The following PRKN variants were observed in gnomAD, a reference collection of about 807,000 sequenced individuals.
PRKN encodes E3 ubiquitin-protein ligase parkin.
A neutral mutation model predicts 59.5 loss-of-function variants in PRKN; 56 were observed. The ratio of observed to expected loss-of-function variants is 0.94; its 90% CI spans 0.76 to 1.18. The LOEUF is 1.18. Ranked by LOEUF, PRKN falls within the 50% of genes most tolerant of loss-of-function variation. PRKN has a pLI of 0.00. For synonymous variants in PRKN, 250 were observed against 222.1 expected (o/e 1.13, Z -1.12); for missense variants, 657 against 596.4 (o/e 1.10, Z -1.06).
At chr6:162,369,357 T>G (rs1156678422) in intron 2 of PRKN, among the ~76,000 whole-genome samples, 1 of 152,176 alleles carries the variant, frequency 6.6e-6, no homozygotes, top group Non-Finnish European at 1.5e-5. Context: ...TCTAGTTCTA[T>G]GAAATATCAT....
At chr6:162,175,907 T>C (rs929972979) in intron 4 of PRKN, among the ~76,000 whole-genome samples, 1 of 152,196 alleles carries the variant, frequency 6.6e-6, no homozygotes, top group Non-Finnish European at 1.5e-5. Context: ...ATAAAGGCTA[T>C]TTGAGAAGCC....
intron 9 of PRKN, among the ~76,000 whole-genome samples, chr6:161,418,507 T>A (rs1482664494): frequency 4.6e-5 from 7 of 152,202 alleles, no homozygotes; most frequent in Non-Finnish European, 5.9e-5. Flanking sequence ...CTGTATTATT[T>A]CTGGGATTAT....
chr6:162,437,235 T>C (rs1789820511), intron 2 of PRKN, among the ~76,000 whole-genome samples: 1 of 152,206 alleles, frequency 6.6e-6, no homozygotes, highest in Admixed American at 6.5e-5. Flanking sequence ...TCATTTCTTA[T>C]GTTAAATATC....
chr6:161,951,652 A>T (rs1264576964), intron 6 of PRKN, among the ~76,000 whole-genome samples: 1 of 152,218 alleles, frequency 6.6e-6, no homozygotes, highest in African/African-American at 2.4e-5. Context: ...ACAGTGGCTC[A>T]CGCCTGTTAT....
At chr6:162,006,939 C>T (rs891980852) in intron 5 of PRKN, among the ~76,000 whole-genome samples, 51 of 102,376 alleles carry the variant, frequency 5.0e-4, no homozygotes, top group African/African-American at 1.4e-3. Flanking sequence ...CTTAGAAGAG[C>T]GCCAGCACAT....
intron 6 of PRKN, among the ~76,000 whole-genome samples, chr6:161,830,517 G>T (rs940301685): frequency 6.6e-6 from 1 of 152,180 alleles, no homozygotes; most frequent in Non-Finnish European, 1.5e-5. Context: ...CTCCCAAAGT[G>T]CTGGGATAAC....
intron 1 of PRKN, among the ~76,000 whole-genome samples, chr6:162,586,165 T>C (rs1316598842): frequency 6.6e-6 from 1 of 152,032 alleles, no homozygotes; most frequent in Non-Finnish European, 1.5e-5. Flanking sequence ...ATGTGCTGGG[T>C]AATAAGGGGA....
chr6:162,426,320 G>A (rs894691819), intron 2 of PRKN, among the ~76,000 whole-genome samples: 3 of 152,268 alleles, frequency 2.0e-5, no homozygotes, highest in East Asian at 3.9e-4. Flanking sequence ...GTCCTTATGA[G>A]GCATGACTGT....
At position 162,547,410 on chromosome 6, in the gene PRKN, A is replaced by C. The variant is rs1159998523; in HGVS notation, c.8-103937T>G. Among the ~76,000 whole-genome samples the C allele has an allele frequency of 2.0e-5, 3 of 152,148 alleles. No homozygotes were observed. The East Asian group carries it at 5.8e-4, about 29-fold the overall frequency. ...GAAAATAACAATATTTTACATCCAT[A>C]TAGTTCTTTGTATTATTTATTTCAA... is the stretch of plus-strand genomic sequence containing the variant. On this transcript the variant is annotated intron_variant, in intron 1 of 11. Coordinates refer to ENST00000366898, the MANE Select transcript of PRKN (RefSeq NM_004562.3).
At chr6:161,664,216 A>G (rs1037279209) in intron 7 of PRKN, among the ~76,000 whole-genome samples, 1 of 152,218 alleles carries the variant, frequency 6.6e-6, no homozygotes, top group Non-Finnish European at 1.5e-5. Flanking sequence ...AAATGCCAAC[A>G]GACGAGCACT....
At chr6:162,524,708 C>T (rs1778211946) in intron 1 of PRKN, among the ~76,000 whole-genome samples, 2 of 152,278 alleles carry the variant, frequency 1.3e-5, no homozygotes, top group South Asian at 4.1e-4. Flanking sequence ...CTTAGGAAGA[C>T]TAACTAGTTT....
At chr6:162,623,681 C>A (rs1055485337) in intron 1 of PRKN, among the ~76,000 whole-genome samples, 10 of 151,700 alleles carry the variant, frequency 6.6e-5, no homozygotes, top group Non-Finnish European at 1.3e-4. Flanking sequence ...GGCTGTTGTC[C>A]AACAGGTCAT....
Position 161,847,026 on chromosome 6 carries a change from T to G in PRKN, c.735-61118A>C, listed in dbSNP as rs1474186868. Among the ~76,000 whole-genome samples the G allele has an allele frequency of 4.6e-5, 7 of 152,152 alleles. 1 individual carries two copies. Among genetic ancestry groups the G allele is most frequent in the Non-Finnish European group, 1.0e-4 (7 of 68,026 alleles). On this transcript the variant is annotated intron_variant, in intron 6 of 11. Coordinates refer to ENST00000366898, the MANE Select transcript of PRKN (RefSeq NM_004562.3). ...CAAAAGTCATTTAAGATTTGGTTAC[T>G]GGGCCAGGCACGGTGGCTCACACCT...
rs1329402527 is a variant in PRKN, at chr6:161,409,219, C to T, written c.1084-22342G>A. Among the ~76,000 whole-genome samples, 1 of 152,190 alleles carries T rather than the reference C, an allele frequency of 6.6e-6. No individual in the cohort carries two copies. The highest frequency in any genetic ancestry group is 2.4e-5 in the African/African-American group (1 of 41,428). ...CTGGACTCCCAAACTGCTGGGATTA[C>T]AGGTGTGAGCCACCACCCCCGGCCA... is the stretch of plus-strand genomic sequence containing the variant. On this transcript the variant is annotated intron_variant, in intron 9 of 11. Coordinates refer to ENST00000366898, the MANE Select transcript of PRKN (RefSeq NM_004562.3). This position sits in a 1 kb window ranked among gnomAD's most constrained non-coding sequence, Gnocchi z 4.6.
chr6:162,088,754 G>A lies in PRKN; in HGVS notation c.535-34580C>T, dbSNP rs56014029. On this transcript the variant is annotated intron_variant, in intron 4 of 11. Coordinates refer to ENST00000366898, the MANE Select transcript of PRKN (RefSeq NM_004562.3). ...TAAAACTGCCAAGAAGAAAAGTCCA[G>A]GTCCAGGGGATACCTTGGTAAGTTC... is the stretch of plus-strand genomic sequence containing the variant. 2.7e-3 allele frequency among the ~76,000 whole-genome samples: 404 copies of A among 152,250 alleles called. 3 individuals are homozygous for A. The highest frequency in any genetic ancestry group is 9.3e-3 in the African/African-American group (388 of 41,548).
chr6:161,443,043 C>T (rs1789315911), intron 9 of PRKN, among the ~76,000 whole-genome samples: 2 of 152,096 alleles, frequency 1.3e-5, no homozygotes, highest in Admixed American at 1.3e-4. Flanking sequence ...CGCGGTGGCT[C>T]ATGCTTGTAA....
At chr6:161,389,948 G>C (rs1222929559) in intron 9 of PRKN, among the ~76,000 whole-genome samples, 2 of 152,176 alleles carry the variant, frequency 1.3e-5, no homozygotes, top group South Asian at 2.1e-4. Context: ...AGAAATAAGA[G>C]AAAGGGAAGA....
At chr6:162,057,635 G>A (rs1463979023) in intron 4 of PRKN, among the ~76,000 whole-genome samples, 1 of 152,196 alleles carries the variant, frequency 6.6e-6, no homozygotes, top group East Asian at 1.9e-4. Context: ...CTGCTACAAT[G>A]AATACACTTT....
chr6:162,710,028 G>A (rs1030751026), intron 1 of PRKN, among the ~76,000 whole-genome samples: 22 of 152,228 alleles, frequency 1.4e-4, no homozygotes, highest in African/African-American at 5.3e-4. Flanking sequence ...GGGTTGGGGT[G>A]TTATCATGAC....
Sources: gnomAD v4.1 joint callset for allele counts (sites outside exome capture counted in the v4.1 genomes callset) on GRCh38, gnomAD v4.1.1 for gene constraint, Gnocchi (gnomAD v3.1) non-coding constraint, MANE v1.5 for transcripts, NCBI Gene and HGNC (gene_info 2026-07-23, HGNC 2026-07-21) for gene names.